Variants in MAGI1 observed in about 807,000 individuals in gnomAD.
The protein encoded by MAGI1 is membrane associated guanylate kinase, WW and PDZ domain containing 1, also known as membrane-associated guanylate kinase, WW and PDZ domain-containing protein 1.
In MAGI1, 58 loss-of-function variants were observed where a neutral mutation model predicts 139.9. The observed-to-expected ratio is 0.41, with a 90% confidence interval of 0.34 to 0.52. The LOEUF (loss-of-function observed/expected upper bound fraction) is 0.52. Among genes scored for constraint, MAGI1 ranks in the 20% least tolerant of loss-of-function variants. The pLI is 0.12. For missense variants in MAGI1, 1,874 were observed against 1,901.6 expected (o/e 0.99, Z 0.27); for synonymous variants, 812 against 737.9 (o/e 1.10, Z -1.63).
At chr3:66,016,784 G>A (rs757944766) in intron 1 of MAGI1, among the ~76,000 whole-genome samples, 2 of 152,170 alleles carry the variant, frequency 1.3e-5, no homozygotes, top group Non-Finnish European at 2.9e-5. Flanking sequence ...GCAAAATGGG[G>A]TACATACACA....
At chr3:65,716,744 C>T (rs1159086336) in intron 1 of MAGI1, among the ~76,000 whole-genome samples, 4 of 152,184 alleles carry the variant, frequency 2.6e-5, no homozygotes, top group Non-Finnish European at 5.9e-5. Context: ...AATGAGTACA[C>T]ATGGAGGACC....
chr3:65,589,492 G>A (rs910204078), intron 2 of MAGI1, among the ~76,000 whole-genome samples: 2 of 151,984 alleles, frequency 1.3e-5, no homozygotes, highest in Non-Finnish European at 2.9e-5. Flanking sequence ...TATTTATTGG[G>A]TATCTCCCCT....
At chr3:65,696,651 A>T (rs1221758490) in intron 1 of MAGI1, among the ~76,000 whole-genome samples, 1 of 152,204 alleles carries the variant, frequency 6.6e-6, no homozygotes, top group East Asian at 1.9e-4. Context: ...TACCAAAAAC[A>T]GAATTTCCTA....
At chr3:65,792,994 ATT>A (rs1211274688) in intron 1 of MAGI1, among the ~76,000 whole-genome samples, 1 of 151,998 alleles carries the variant, frequency 6.6e-6, no homozygotes, top group Non-Finnish European at 1.5e-5. Flanking sequence ...GAAATAGGGC[ATT>A]TGAGTTTGGA....
At chr3:65,730,496 C>A (rs76140734) in intron 1 of MAGI1, among the ~76,000 whole-genome samples, 2 of 152,324 alleles carry the variant, frequency 1.3e-5, no homozygotes, top group African/African-American at 4.8e-5. Context: ...CTTCCCCTCA[C>A]GTCTCATTGG....
In MAGI1 at chr3:65,628,903, G is replaced by A. The variant is rs555936318; in HGVS notation, c.314-6815C>T. On this transcript the variant is annotated intron_variant, in intron 1 of 22. Coordinates refer to ENST00000402939, the MANE Select transcript of MAGI1 (RefSeq NM_001033057.2). ...ATGTTTTCCTTTCTGTGACTTGCCT[G>A]TTCACATTTCTTATACGTTTTCCTA... is the stretch of plus-strand genomic sequence containing the variant. 3.9e-5 allele frequency among the ~76,000 whole-genome samples: 6 copies of A among 152,100 alleles called. No individual in the cohort carries two copies. The South Asian group carries it at 1.2e-3, about 32-fold the overall frequency.
At chr3:66,005,225 G>A (rs2066950293) in intron 1 of MAGI1, among the ~76,000 whole-genome samples, 1 of 152,158 alleles carries the variant, frequency 6.6e-6, no homozygotes, top group Non-Finnish European at 1.5e-5. Flanking sequence ...TGAATGTGTT[G>A]CAAGGGAGAC....
At chr3:65,808,307 C>A (rs530388943) in intron 1 of MAGI1, among the ~76,000 whole-genome samples, 1 of 152,102 alleles carries the variant, frequency 6.6e-6, no homozygotes, top group African/African-American at 2.4e-5. Context: ...TCTTGACCAC[C>A]CTTGTCAACA....
intron 2 of MAGI1, among the ~76,000 whole-genome samples, chr3:65,542,959 C>A (rs1391868117): frequency 6.6e-6 from 1 of 152,058 alleles, no homozygotes; most frequent in African/African-American, 2.4e-5. Context: ...TCAGAGTGAA[C>A]AGGCACCCTA....
In MAGI1 at chr3:65,357,030, T is replaced by C; in HGVS notation, c.3737A>G (p.Tyr1246Cys). Reference sequence around the variant, plus strand: ...TGATGATTTGTGAAGATCGGGTGGGTAACTGGACTCCAATGACGGATGCTG... The same window carrying C: ...TGATGATTTGTGAAGATCGGGTGGGCAACTGGACTCCAATGACGGATGCTG... ...RRQHPSLESSYPPDLHKSSPH... is the reference protein window; with the variant it reads ...RRQHPSLESSCPPDLHKSSPH... Residue 1246 changes from tyrosine (Y) to cysteine (C), a missense_variant, in exon 23 of 23, where the codon TAC becomes TGC. Transcript: ENST00000402939. 6.2e-7 allele frequency: 1 copy of C among 1,614,172 alleles called. No homozygotes were observed. Among genetic ancestry groups the C allele is most frequent in the Non-Finnish European group, 8.5e-7 (1 of 1,180,040 alleles).
chr3:65,885,749 C>T (rs2060506375), intron 1 of MAGI1, among the ~76,000 whole-genome samples: 1 of 152,158 alleles, frequency 6.6e-6, no homozygotes, highest in African/African-American at 2.4e-5. Context: ...TGAGGCCTCC[C>T]CACCCATGTG....
chr3:66,007,119 G>A (rs1452003619), intron 1 of MAGI1, among the ~76,000 whole-genome samples: 1 of 151,850 alleles, frequency 6.6e-6, no homozygotes, highest in Non-Finnish European at 1.5e-5. Flanking sequence ...GAGATTACAG[G>A]TGTGAGCCAC....
At position 65,577,997 on chromosome 3, in the gene MAGI1, G is replaced by A. The variant is rs573434486; in HGVS notation, c.430+43975C>T. On this transcript the variant is annotated intron_variant, in intron 2 of 22. Coordinates refer to ENST00000402939, the MANE Select transcript of MAGI1 (RefSeq NM_001033057.2). ...TGTGTAACTTGAATGAATAAATAAT[G>A]TGATTCTACTGGAAATGCAATGCTG... Among the ~76,000 whole-genome samples, 9 of 152,268 alleles carry A rather than the reference G, an allele frequency of 5.9e-5. 1 individual carries two copies. The South Asian group carries it at 1.0e-3, about 18-fold the overall frequency.
chr3:65,713,026 T>C (rs571625629), intron 1 of MAGI1, among the ~76,000 whole-genome samples: 2 of 152,294 alleles, frequency 1.3e-5, no homozygotes, highest in South Asian at 2.1e-4. Context: ...AATCTTACTG[T>C]TCAGTTTTGA....
intron 1 of MAGI1, among the ~76,000 whole-genome samples, chr3:65,987,916 T>C (rs2065964279): frequency 6.6e-6 from 1 of 152,220 alleles, no homozygotes; most frequent in Non-Finnish European, 1.5e-5. Flanking sequence ...CCATCACGAA[T>C]TACATATCAA....
chr3:65,623,295 G>T (rs991978836), intron 1 of MAGI1, among the ~76,000 whole-genome samples: 4 of 152,090 alleles, frequency 2.6e-5, no homozygotes, highest in African/African-American at 9.7e-5. Flanking sequence ...TTATCTAAGT[G>T]AGTCTGTGTT....
At chr3:65,515,165 G>C (rs1168476117) in intron 2 of MAGI1, among the ~76,000 whole-genome samples, 1 of 115,856 alleles carries the variant, frequency 8.6e-6, no homozygotes, top group East Asian at 3.1e-4. Context: ...GTGGTGGGGT[G>C]GGGGGAGGGG....
At chr3:65,782,470 T>C (rs2039008841) in intron 1 of MAGI1, among the ~76,000 whole-genome samples, 1 of 152,106 alleles carries the variant, frequency 6.6e-6, no homozygotes, top group Admixed American at 6.5e-5. Context: ...AGTACATGTG[T>C]GTTAAGGCAC....
At position 65,487,618 on chromosome 3, in the gene MAGI1, G is replaced by A. The variant is rs184089976; in HGVS notation, c.550+5894C>T. ...GACCAATGTAAATCAAGCAAATATT[G>A]GGCCTGAAAGAGAATTCTGAAGGTT... On this transcript the variant is annotated intron_variant, in intron 3 of 22. Transcript: ENST00000402939. Among the ~76,000 whole-genome samples, 13 of 152,194 alleles carry A rather than the reference G, an allele frequency of 8.5e-5. No homozygotes were observed. In the East Asian group the frequency reaches 1.7e-3, roughly 20 times the overall value.
Sources: allele counts gnomAD v4.1 joint callset (sites outside exome capture counted in the v4.1 genomes callset), GRCh38; gene constraint gnomAD v4.1.1; transcripts MANE v1.5; gene names NCBI Gene and HGNC (gene_info 2026-07-23, HGNC 2026-07-21).